PRELID2: variants seen among roughly 807,000 people sequenced by gnomAD.
PRELID2 encodes PRELI domain-containing protein 2.
In PRELID2, 25 loss-of-function variants were observed where a neutral mutation model predicts 28.4. The observed-to-expected ratio is 0.88, with a 90% CI of 0.64 to 1.23. The LOEUF is 1.23. PRELID2 is among the 50% of genes most tolerant of loss of function. The pLI is 0.00. For synonymous variants in PRELID2, 76 were observed against 71.6 expected, an observed-to-expected ratio of 1.06 and a Z score of -0.31; for missense variants, 201 against 214.4, an observed-to-expected ratio of 0.94 and a Z score of 0.39.
At chr5:145,442,937 CT>C in the PRELID2 span, among the ~76,000 whole-genome samples, 2 of 152,002 alleles carry the variant, frequency 1.3e-5, no homozygotes, top group Non-Finnish European at 2.9e-5. Context: ...CTAAAGAGGC[CT>C]AGAAGAGCCG....
chr5:145,474,483 TG>T (rs1752081998), intron 1 of PRELID2, among the ~76,000 whole-genome samples: 1 of 152,296 alleles, frequency 6.6e-6, no homozygotes, highest in Admixed American at 6.5e-5. Flanking sequence ...GACAGTCATT[TG>T]GCAGCCCTGC....
chr5:145,242,706 G>T, the PRELID2 span, among the ~76,000 whole-genome samples: 4 of 151,992 alleles, frequency 2.6e-5, no homozygotes, highest in Non-Finnish European at 5.9e-5. Flanking sequence ...TCATAGAAAA[G>T]AACAACTAAA....
At chr5:145,404,876 T>C in the PRELID2 span, among the ~76,000 whole-genome samples, 1 of 152,080 alleles carries the variant, frequency 6.6e-6, no homozygotes, top group Non-Finnish European at 1.5e-5. Context: ...TTAGACACTG[T>C]TATGTTAACC....
At chr5:145,485,705 C>T (rs7733492) in intron 1 of PRELID2, among the ~76,000 whole-genome samples, 31,669 of 152,184 alleles carry the variant, frequency 0.21, 3,732 homozygotes, top group South Asian at 0.37. Context: ...AGAGACTCCT[C>T]AGCACCTGAG....
At chr5:145,741,975 T>C (rs1490409453) in intron 1 of PRELID2, among the ~76,000 whole-genome samples, 1 of 35,656 alleles carries the variant, frequency 2.8e-5, no homozygotes, top group Non-Finnish European at 6.5e-5. Flanking sequence ...AATAAATTTA[T>C]TTAATTATAA....
At chr5:145,447,340 C>T in the PRELID2 span, among the ~76,000 whole-genome samples, 10 of 151,740 alleles carry the variant, frequency 6.6e-5, no homozygotes, top group African/African-American at 2.2e-4. Context: ...TCTGTTGCTG[C>T]TTTTTCTTCT....
the PRELID2 span, among the ~76,000 whole-genome samples, chr5:145,408,438 C>CATATATATGTATAATATATATGTATA: frequency 7.0e-6 from 1 of 141,942 alleles, no homozygotes; most frequent in Non-Finnish European, 1.5e-5. Context: ...ATATGTATAA[C>CATATATATGTATAATATATATGTATA]ATATATATGT....
intron 1 of PRELID2, among the ~76,000 whole-genome samples, chr5:145,680,395 A>G (rs547896716): frequency 5.4e-4 from 82 of 152,332 alleles, no homozygotes; most frequent in African/African-American, 1.9e-3. Context: ...GCCTTTCTCT[A>G]CTACCTGATC....
At chr5:145,305,462 GA>G in the PRELID2 span, among the ~76,000 whole-genome samples, 1 of 152,076 alleles carries the variant, frequency 6.6e-6, no homozygotes, top group African/African-American at 2.4e-5. Context: ...TCCACAGAAG[GA>G]AAAAGAGACT....
intron 1 of PRELID2, among the ~76,000 whole-genome samples, chr5:145,604,069 A>G (rs1318229840): frequency 6.6e-6 from 1 of 152,032 alleles, no homozygotes; most frequent in African/African-American, 2.4e-5. Context: ...ATTAGGTCAG[A>G]TTTTTAAATT....
intron 1 of PRELID2, among the ~76,000 whole-genome samples, chr5:145,585,492 T>C (rs13354398): frequency 0.016 from 2,495 of 152,236 alleles, 79 homozygotes; most frequent in African/African-American, 0.057. Context: ...TAATAGTTAA[T>C]TTTATAGTGC....
chr5:145,729,850 C>T (rs1488378804), intron 1 of PRELID2, among the ~76,000 whole-genome samples: 1 of 152,072 alleles, frequency 6.6e-6, no homozygotes, highest in African/African-American at 2.4e-5. Context: ...GTCCAGAGGG[C>T]CAATGTGAGT....
intron 5 of PRELID2, among the ~76,000 whole-genome samples, chr5:145,766,229 C>A (rs895649305): frequency 4.6e-5 from 7 of 152,120 alleles, no homozygotes; most frequent in Non-Finnish European, 1.0e-4. Context: ...CCTGAGAATT[C>A]TTGCAGAGAA....
chr5:145,655,723 T>A (rs1754381753), intron 1 of PRELID2, among the ~76,000 whole-genome samples: 1 of 152,168 alleles, frequency 6.6e-6, no homozygotes, highest in African/African-American at 2.4e-5. Flanking sequence ...CTAGATCCCT[T>A]CCTCACACCT....
intron 1 of PRELID2, among the ~76,000 whole-genome samples, chr5:145,621,597 T>G (rs1317695417): frequency 6.6e-6 from 1 of 152,218 alleles, no homozygotes; most frequent in African/African-American, 2.4e-5. Flanking sequence ...GATACACATG[T>G]TCTCACTGAT....
At chr5:145,682,333 A>T (rs1212264522) in intron 1 of PRELID2, among the ~76,000 whole-genome samples, 2 of 152,164 alleles carry the variant, frequency 1.3e-5, no homozygotes, top group South Asian at 2.1e-4. Context: ...TCACTGGGAA[A>T]ATAATAACCA....
intron 1 of PRELID2, among the ~76,000 whole-genome samples, chr5:145,571,694 T>C (rs1023476893): frequency 4.6e-5 from 7 of 152,108 alleles, no homozygotes; most frequent in Non-Finnish European, 1.0e-4. Context: ...TACAATCTAT[T>C]TTTTTGGCCA....
the PRELID2 span, among the ~76,000 whole-genome samples, chr5:145,241,907 T>C: frequency 3.3e-5 from 5 of 151,816 alleles, no homozygotes; most frequent in Non-Finnish European, 1.5e-5. Context: ...AAACATTCTT[T>C]GGGAAAAAGA....
At chr5:145,497,149 C>A (rs1204470506) in intron 1 of PRELID2, among the ~76,000 whole-genome samples, 2 of 152,190 alleles carry the variant, frequency 1.3e-5, no homozygotes, top group Non-Finnish European at 2.9e-5. Flanking sequence ...CAGGCATGAG[C>A]CACCATGCCC....
Sources: gnomAD v4.1 joint callset for allele counts (sites outside exome capture counted in the v4.1 genomes callset) on GRCh38, gnomAD v4.1.1 for gene constraint, MANE v1.5 for transcripts, NCBI Gene and HGNC (gene_info 2026-07-23, HGNC 2026-07-21) for gene names.